The following CSMD1 variants were observed in gnomAD, a reference collection of about 807,000 sequenced individuals.
The protein encoded by CSMD1 is CUB and Sushi multiple domains 1.
Under a neutral mutation model 417.5 loss-of-function variants are expected in CSMD1, and 213 were observed. The ratio of observed to expected loss-of-function variants is 0.51; its 90% confidence interval spans 0.46 to 0.57. CSMD1 has a LOEUF of 0.57. Among genes scored for constraint, CSMD1 ranks in the 20% least tolerant of loss-of-function variants. CSMD1 has a pLI of 0.00. For synonymous variants in CSMD1, 2,862 were observed against 1,736.8 expected (o/e 1.65, Z -16.11); for missense variants, 6,923 against 4,529.7 (o/e 1.53, Z -15.17).
chr8:3,608,425 T>G (rs987314937), intron 8 of CSMD1, among the ~76,000 whole-genome samples: 2 of 152,090 alleles, frequency 1.3e-5, no homozygotes, highest in African/African-American at 4.8e-5. Context: ...AGTTTCAGCA[T>G]CTTTGAAATG....
At chr8:3,225,564 G>C (rs925738835) in intron 27 of CSMD1, among the ~76,000 whole-genome samples, 1 of 152,160 alleles carries the variant, frequency 6.6e-6, no homozygotes, top group Non-Finnish European at 1.5e-5. Flanking sequence ...TGAAGGTCTA[G>C]AAGATTCTAC....
chr8:3,264,271 G>T (rs887830366), intron 26 of CSMD1, among the ~76,000 whole-genome samples: 1 of 152,134 alleles, frequency 6.6e-6, no homozygotes, highest in South Asian at 2.1e-4. Context: ...TAAGTACCTG[G>T]TTTGGAATTT....
At chr8:3,231,607 G>C (rs1340052000) in intron 26 of CSMD1, among the ~76,000 whole-genome samples, 1 of 151,902 alleles carries the variant, frequency 6.6e-6, no homozygotes, top group Non-Finnish European at 1.5e-5. Flanking sequence ...GACCTGCTCT[G>C]TGTTATTCAG....
At chr8:3,879,082 G>T (rs17067844) in intron 5 of CSMD1, among the ~76,000 whole-genome samples, 37,809 of 151,882 alleles carry the variant, frequency 0.25, 5,891 homozygotes, top group African/African-American at 0.44. Flanking sequence ...GTTATTCTGG[G>T]GTACCCAAGC....
rs183910616 is a variant in CSMD1, at chr8:3,695,136, A to C, written c.1009+13278T>G. On this transcript the variant is annotated intron_variant, in intron 7 of 69. Transcript: ENST00000635120. The stretch of plus-strand genomic sequence containing the variant: ...TGTGTGGTTATTGAAGAAGTGTAGT[A>C]CAAGGATATTGCAGGAGCACAGGGG... Among the ~76,000 whole-genome samples the C allele has an allele frequency of 3.5e-3, 459 of 132,992 alleles. 2 individuals carry two copies. The highest frequency in any genetic ancestry group is 0.012 in the African/African-American group (446 of 35,960). The allele number at this position is 132,992 out of a possible 152,430, so 87.2% of individuals were successfully genotyped here.
chr8:3,057,853 G>C (rs1812338237), intron 49 of CSMD1, among the ~76,000 whole-genome samples: 1 of 152,102 alleles, frequency 6.6e-6, no homozygotes, highest in Non-Finnish European at 1.5e-5. Flanking sequence ...TTCATTTTCA[G>C]TTTAAAAATT....
chr8:4,112,881 A>G (rs1801930549), intron 3 of CSMD1, among the ~76,000 whole-genome samples: 1 of 152,214 alleles, frequency 6.6e-6, no homozygotes, highest in Non-Finnish European at 1.5e-5. Context: ...GCTTGTACCA[A>G]CGTGGCATCA....
In CSMD1 at chr8:4,920,971, AAAGAAAGAAAC is replaced by A. The variant is rs1228471566; in HGVS notation, c.85+73350_85+73360del. Among the ~76,000 whole-genome samples the A allele has an allele frequency of 1.1e-3, 27 of 24,386 alleles. 3 individuals are homozygous for A. The highest frequency in any genetic ancestry group is 1.4e-3 in the African/African-American group (12 of 8,304). The allele number at this position is 24,386 out of a possible 152,430, so 16.0% of individuals were successfully genotyped here. On this transcript the variant is annotated intron_variant, in intron 1 of 69. Transcript: ENST00000635120. Reference sequence around the variant, plus strand: ...GAAAGAAAGAAAGAAAGAAAGAAAGAAAGAAAGAAACAAAGAAAGAAAGAAAAGAAAGAAAG... The same window carrying A: ...GAAAGAAAGAAAGAAAGAAAGAAAGAAAAGAAAGAAAGAAAAGAAAGAAAG...
Position 4,122,237 on chromosome 8 carries a change from G to A in CSMD1, c.416-90138C>T, listed in dbSNP as rs2130947043. 2.0e-5 allele frequency among the ~76,000 whole-genome samples: 3 copies of A among 152,250 alleles called. No homozygotes were observed. The South Asian group carries it at 6.2e-4, about 32-fold the overall frequency. On this transcript the variant is annotated intron_variant, in intron 3 of 69. Coordinates refer to ENST00000635120, the MANE Select transcript of CSMD1 (RefSeq NM_033225.6). ...ATTTGCTGACTTTTGTGAGGGAAGT[G>A]CAGTTGGTTTGACTTCGTACATTTC...
intron 4 of CSMD1, among the ~76,000 whole-genome samples, chr8:4,029,811 T>A (rs909000652): frequency 1.3e-5 from 2 of 152,146 alleles, no homozygotes; most frequent in Non-Finnish European, 2.9e-5. Flanking sequence ...TGAACCTGTA[T>A]AATAAAATAC....
At chr8:4,109,242 T>C (rs1801727710) in intron 3 of CSMD1, among the ~76,000 whole-genome samples, 1 of 152,186 alleles carries the variant, frequency 6.6e-6, no homozygotes, top group African/African-American at 2.4e-5. Context: ...TCCATTTTTT[T>C]TCTGAATGTT....
intron 1 of CSMD1, among the ~76,000 whole-genome samples, chr8:4,808,158 T>G (rs890053210): frequency 6.6e-6 from 1 of 152,124 alleles, no homozygotes; most frequent in Non-Finnish European, 1.5e-5. Flanking sequence ...ATTCCGGCGG[T>G]GTGGAGTCAC....
intron 2 of CSMD1, among the ~76,000 whole-genome samples, chr8:4,433,680 G>A (rs1797994913): frequency 6.6e-6 from 1 of 152,184 alleles, no homozygotes; most frequent in Non-Finnish European, 1.5e-5. Context: ...CCCACTTGCA[G>A]TCATTCACCT....
intron 12 of CSMD1, among the ~76,000 whole-genome samples, chr8:3,465,436 G>A (rs992051648): frequency 5.3e-5 from 8 of 152,144 alleles, no homozygotes; most frequent in Admixed American, 3.3e-4. Flanking sequence ...GGTGGGTAGA[G>A]TGGACCCAAG....
chr8:4,092,086 G>C (rs1028779743), intron 3 of CSMD1, among the ~76,000 whole-genome samples: 1 of 152,126 alleles, frequency 6.6e-6, no homozygotes, highest in Non-Finnish European at 1.5e-5. Flanking sequence ...AAGCTTAAGA[G>C]GGACGTAATT....
chr8:4,493,896 A>G (rs1337662042), intron 2 of CSMD1, among the ~76,000 whole-genome samples: 1 of 152,222 alleles, frequency 6.6e-6, no homozygotes, highest in African/African-American at 2.4e-5. Flanking sequence ...AGACCAAGAA[A>G]TTAAAATGAT....
chr8:4,854,999 G>C (rs1337704441), intron 1 of CSMD1, among the ~76,000 whole-genome samples: 1 of 152,188 alleles, frequency 6.6e-6, no homozygotes, highest in East Asian at 1.9e-4. Context: ...AACCTCTGCA[G>C]ACTTAAATGT....
At chr8:3,435,118 A>G (rs1400383342) in intron 12 of CSMD1, among the ~76,000 whole-genome samples, 1 of 152,022 alleles carries the variant, frequency 6.6e-6, no homozygotes, top group Admixed American at 6.6e-5. Flanking sequence ...GCACACCCCT[A>G]CTTCACTCAC....
intron 7 of CSMD1, among the ~76,000 whole-genome samples, chr8:3,643,468 C>T (rs183026856): frequency 3.9e-4 from 59 of 151,904 alleles, no homozygotes; most frequent in African/African-American, 1.3e-3. Context: ...TTTGGGAGGC[C>T]GAGGTAGGCG....
Sources: allele counts gnomAD v4.1 joint callset (sites outside exome capture counted in the v4.1 genomes callset), GRCh38; gene constraint gnomAD v4.1.1; transcripts MANE v1.5; gene names NCBI Gene and HGNC (gene_info 2026-07-23, HGNC 2026-07-21).